LPP: variants seen among roughly 807,000 people sequenced by gnomAD.
LPP encodes the protein lipoma-preferred partner.
In LPP, 38 loss-of-function variants were observed where a neutral mutation model predicts 60.4. The observed-to-expected ratio is 0.63, with a 90% CI of 0.49 to 0.83. The LOEUF is 0.83. Ranked by LOEUF, LPP falls within the 40% of genes least tolerant of loss-of-function variation. The pLI is 0.00. For missense variants in LPP, 902 were observed against 783.6 expected, an observed-to-expected ratio of 1.15 and a Z score of -1.80; for synonymous variants, 328 against 290.8, an observed-to-expected ratio of 1.13 and a Z score of -1.30.
intron 9 of LPP, among the ~76,000 whole-genome samples, chr3:188,851,723 C>G (rs1352052212): frequency 1.3e-5 from 2 of 152,144 alleles, no homozygotes; most frequent in Non-Finnish European, 2.9e-5. Context: ...TGTTTAAATC[C>G]TAGTCTTCGA....
intron 5 of LPP, among the ~76,000 whole-genome samples, chr3:188,508,650 G>A (rs1471441390): frequency 2.0e-5 from 3 of 152,186 alleles, no homozygotes; most frequent in East Asian, 1.9e-4. Flanking sequence ...GGTGGTAAAC[G>A]TCTTTGCCAT....
intron 4 of LPP, among the ~76,000 whole-genome samples, chr3:188,464,037 A>G (rs1460941820): frequency 6.6e-6 from 1 of 152,210 alleles, no homozygotes; most frequent in Non-Finnish European, 1.5e-5. Context: ...GAGTTTTGAA[A>G]GAAAGTAAAA....
At chr3:188,441,336 A>C (rs566149552) in intron 4 of LPP, among the ~76,000 whole-genome samples, 27 of 152,272 alleles carry the variant, frequency 1.8e-4, no homozygotes, top group African/African-American at 5.8e-4. Context: ...ATATTAGAAG[A>C]TAATTTGCAA....
chr3:188,625,111 T>C (rs2151628970), intron 7 of LPP, among the ~76,000 whole-genome samples: 1 of 152,294 alleles, frequency 6.6e-6, no homozygotes, highest in Middle Eastern at 3.4e-3. Context: ...CATAAAAATG[T>C]CCTATAAATT....
intron 4 of LPP, among the ~76,000 whole-genome samples, chr3:188,455,826 T>C (rs1291691448): frequency 6.6e-6 from 1 of 152,232 alleles, no homozygotes; most frequent in African/African-American, 2.4e-5. Context: ...TTGTCAAATG[T>C]GGTTGTAAAA....
intron 2 of LPP, among the ~76,000 whole-genome samples, chr3:188,306,225 T>C (rs7653189): frequency 0.44 from 67,128 of 151,590 alleles, 17,506 homozygotes; most frequent in African/African-American, 0.7. Context: ...GGATTGCAGG[T>C]GTGCACCACC....
At chr3:188,311,775 A>T (rs1753538857) in intron 2 of LPP, among the ~76,000 whole-genome samples, 1 of 151,890 alleles carries the variant, frequency 6.6e-6, no homozygotes, top group Non-Finnish European at 1.5e-5. Flanking sequence ...AGTAGCTGGG[A>T]TTACAGGCAC....
chr3:188,495,080 ATAT>A (rs1809615239), intron 5 of LPP, among the ~76,000 whole-genome samples: 1 of 100,812 alleles, frequency 9.9e-6, no homozygotes, highest in East Asian at 3.9e-4. Flanking sequence ...ATATATATAT[ATAT>A]TTTATTTATA....
At chr3:188,353,354 A>G (rs945618136) in intron 3 of LPP, among the ~76,000 whole-genome samples, 4 of 152,188 alleles carry the variant, frequency 2.6e-5, no homozygotes, top group Non-Finnish European at 5.9e-5. Context: ...ATGTTTACTA[A>G]TTGCTGGTGA....
chr3:188,524,481 A>C (rs926943845), intron 5 of LPP, among the ~76,000 whole-genome samples, 184 bp from the exon 6 acceptor site: 1 of 152,284 alleles, frequency 6.6e-6, no homozygotes, highest in African/African-American at 2.4e-5. Context: ...TTCAGTTTTC[A>C]TATCTGTCAT....
intron 10 of LPP, among the ~76,000 whole-genome samples, chr3:188,871,308 A>G (rs1768029947): frequency 2.0e-5 from 3 of 152,156 alleles, no homozygotes; most frequent in South Asian, 4.1e-4. Context: ...GTCCAAAGCA[A>G]TTTTTTGCCA....
chr3:188,497,600 A>G (rs1810621905), intron 5 of LPP, among the ~76,000 whole-genome samples: 1 of 152,200 alleles, frequency 6.6e-6, no homozygotes, highest in South Asian at 2.1e-4. Flanking sequence ...CGCACTTCAG[A>G]GTGAAAGTTC....
chr3:188,816,347 G>A (rs561234985), intron 9 of LPP, among the ~76,000 whole-genome samples: 4 of 151,826 alleles, frequency 2.6e-5, no homozygotes, highest in African/African-American at 4.8e-5. Flanking sequence ...GACTACAGGC[G>A]CCCACCACCA....
rs532919371 is a variant in LPP, at chr3:188,506,899, G to A, written c.307-17766G>A. ...TGCAAGCTCCGCCTCCCGGGTTCAC[G>A]CCATTCTCCTGCCTCAGCCTCCCAA... On this transcript the variant is annotated intron_variant, in intron 5 of 11. Transcript: ENST00000617246. Among the ~76,000 whole-genome samples the A allele has an allele frequency of 7.2e-5, 11 of 152,158 alleles. No individual in the cohort carries two copies. In the East Asian group the frequency reaches 1.2e-3, roughly 16 times the overall value.
chr3:188,234,911 A>T (rs1469306136), intron 2 of LPP, among the ~76,000 whole-genome samples: 1 of 152,198 alleles, frequency 6.6e-6, no homozygotes, highest in African/African-American at 2.4e-5. Context: ...TACCCCATGA[A>T]TCCATTAGAT....
chr3:188,622,738 AAG>A lies in LPP; in HGVS notation c.1113+12899_1113+12900del, dbSNP rs1257365790. ...ATTGTGAAACATTACTTTTTGGAAA[AAG>A]AGAGCTGGGCCAGGCACAGTGGCTC... On this transcript the variant is annotated intron_variant, in intron 7 of 11. Coordinates refer to ENST00000617246, the MANE Select transcript of LPP (RefSeq NM_001375462.1). 3.9e-5 allele frequency among the ~76,000 whole-genome samples: 6 copies of A among 152,140 alleles called. No homozygotes were observed. The East Asian group carries it at 9.7e-4, about 24-fold the overall frequency.
chr3:188,824,841 C>T (rs1754955906), intron 9 of LPP, among the ~76,000 whole-genome samples: 1 of 152,100 alleles, frequency 6.6e-6, no homozygotes, highest in African/African-American at 2.4e-5. Context: ...TCACAGCCGC[C>T]TTCATAAATT....
At chr3:188,754,410 C>G (rs868638451) in intron 8 of LPP, among the ~76,000 whole-genome samples, 22 of 152,134 alleles carry the variant, frequency 1.4e-4, no homozygotes, top group African/African-American at 5.3e-4. Flanking sequence ...TTAGGAATTT[C>G]TTTTTTTCAG....
At chr3:188,704,584 A>C (rs778149107) in intron 7 of LPP, among the ~76,000 whole-genome samples, 2 of 151,838 alleles carry the variant, frequency 1.3e-5, no homozygotes, top group Non-Finnish European at 2.9e-5. Context: ...TCTCCCATTC[A>C]CCCTCTACTT....
Sources: gnomAD v4.1 joint callset for allele counts (sites outside exome capture counted in the v4.1 genomes callset) on GRCh38, gnomAD v4.1.1 for gene constraint, MANE v1.5 for transcripts, NCBI Gene and HGNC (gene_info 2026-07-23, HGNC 2026-07-21) for gene names.